The following MYO3A variants were observed in gnomAD, a reference collection of about 807,000 sequenced individuals.
MYO3A encodes myosin IIIA.
MYO3A carries 180 observed loss-of-function variants against 192.7 expected under a neutral mutation model. The ratio of observed to expected loss-of-function variants is 0.93; its 90% confidence interval spans 0.83 to 1.06. The LOEUF is 1.06. Ranked by LOEUF, MYO3A falls within the 50% of genes least tolerant of loss-of-function variation. The pLI is 0.00. For missense variants in MYO3A, 1,896 were observed against 1,905.0 expected (o/e 1.00, Z 0.09); for synonymous variants, 628 against 645.3 (o/e 0.97, Z 0.41).
At chr10:26,155,680 A>T (rs1431855843) in intron 25 of MYO3A, among the ~76,000 whole-genome samples, 1 of 152,360 alleles carries the variant, frequency 6.6e-6, no homozygotes, top group South Asian at 2.1e-4. Context: ...CTCATAGAAG[A>T]CAGTGTGTAC....
At chr10:26,211,272 G>T (rs553672741) in intron 34 of MYO3A, among the ~76,000 whole-genome samples, 7 of 152,168 alleles carry the variant, frequency 4.6e-5, no homozygotes, top group Admixed American at 1.3e-4. Context: ...GTAAACATTG[G>T]CAGGGGTTCT....
chr10:26,053,679 G>A lies in MYO3A; in HGVS notation c.954-13296G>A, dbSNP rs536571021. On this transcript the variant is annotated intron_variant, in intron 10 of 34. Coordinates refer to ENST00000642920, the MANE Select transcript of MYO3A (RefSeq NM_017433.5). ...TCTCTACTAAAAACACAAAAAATTA[G>A]CCAAGTGTGGTGGTGTGTGCCTGTA... Among the ~76,000 whole-genome samples the A allele has an allele frequency of 2.8e-4, 43 of 152,174 alleles. No individual in the cohort carries two copies. In the South Asian group the frequency reaches 6.4e-3, roughly 23 times the overall value.
chr10:25,979,051 T>TA (rs1029420334), intron 4 of MYO3A, among the ~76,000 whole-genome samples: 4 of 152,174 alleles, frequency 2.6e-5, no homozygotes, highest in African/African-American at 9.7e-5. Context: ...TTGGAGTTCT[T>TA]AGAGAATTGG....
At chr10:26,173,627 AG>A (rs1464472296) in intron 29 of MYO3A, 35 bp from the exon 30 acceptor site, 1 of 1,577,460 alleles carries the variant, frequency 6.3e-7, no homozygotes. Flanking sequence ...GCTCCAGTTT[AG>A]TACTGTATAT....
At position 26,212,266 on chromosome 10, in the gene MYO3A, T is replaced by C; in HGVS notation, c.*303T>C. ...CTTGTTCCCCTAATCTATCACTTTGTTCTTTTTTTTTGTGACTCCTGTGGA... is the reference window on the plus strand; with the variant it reads ...CTTGTTCCCCTAATCTATCACTTTGCTCTTTTTTTTTGTGACTCCTGTGGA... On this transcript the variant is annotated 3_prime_UTR_variant, in exon 35 of 35. Coordinates refer to ENST00000642920, the MANE Select transcript of MYO3A (RefSeq NM_017433.5). 1 of 448,060 alleles carries C rather than the reference T, an allele frequency of 2.2e-6. No individual in the cohort carries two copies. 27.8% of individuals were successfully genotyped at this position (448,060 alleles called of 1,614,324 possible).
At chr10:26,056,223 G>A (rs763828141) in intron 10 of MYO3A, among the ~76,000 whole-genome samples, 1 of 152,158 alleles carries the variant, frequency 6.6e-6, no homozygotes, top group Non-Finnish European at 1.5e-5. Flanking sequence ...GGGCTCATTA[G>A]TAGACTGGAC....
intron 4 of MYO3A, among the ~76,000 whole-genome samples, chr10:25,967,498 T>C (rs1838337145): frequency 6.6e-6 from 1 of 152,234 alleles, no homozygotes; most frequent in Non-Finnish European, 1.5e-5. Context: ...TCAACATTTA[T>C]TATTAGAAGA....
chr10:26,173,167 T>C (rs1437800297), intron 29 of MYO3A, among the ~76,000 whole-genome samples: 1 of 152,188 alleles, frequency 6.6e-6, no homozygotes, highest in African/African-American at 2.4e-5. Flanking sequence ...TATTACATGA[T>C]CATGAACTGT....
chr10:26,187,447 A>G (rs1452004472), intron 31 of MYO3A, among the ~76,000 whole-genome samples: 3 of 152,146 alleles, frequency 2.0e-5, no homozygotes, highest in East Asian at 3.9e-4. Flanking sequence ...CCTTGCCTTT[A>G]GATGGTCATC....
chr10:26,077,796 C>T (rs1180973419), intron 14 of MYO3A, among the ~76,000 whole-genome samples: 1 of 152,032 alleles, frequency 6.6e-6, no homozygotes, highest in African/African-American at 2.4e-5. Flanking sequence ...TGGTGTATCA[C>T]ATTTATTGAC....
At chr10:26,127,224 C>T (rs1484473765) in intron 19 of MYO3A, among the ~76,000 whole-genome samples, 3 of 152,050 alleles carry the variant, frequency 2.0e-5, no homozygotes, top group Admixed American at 6.6e-5. Flanking sequence ...GATTCCATTC[C>T]TCTTGAAAGC....
chr10:26,102,805 G>T (rs535463129), intron 17 of MYO3A, among the ~76,000 whole-genome samples: 145 of 152,206 alleles, frequency 9.5e-4, no homozygotes, highest in Non-Finnish European at 1.7e-3. Context: ...GTGTCAGTCG[G>T]CCCCTACTGG....
intron 17 of MYO3A, among the ~76,000 whole-genome samples, chr10:26,098,317 T>C (rs1837191758): frequency 6.6e-6 from 1 of 152,236 alleles, no homozygotes; most frequent in South Asian, 2.1e-4. Flanking sequence ...TATAAGCCCT[T>C]TGTCAGATGG....
At chr10:26,010,912 C>T (rs902854025) in intron 6 of MYO3A, among the ~76,000 whole-genome samples, 3 of 152,110 alleles carry the variant, frequency 2.0e-5, no homozygotes, top group African/African-American at 7.2e-5. Context: ...TAGAGATTTA[C>T]AATGGTTTTG....
At chr10:26,104,128 A>T (rs1252030764) in intron 17 of MYO3A, among the ~76,000 whole-genome samples, 2 of 145,782 alleles carry the variant, frequency 1.4e-5, no homozygotes, top group East Asian at 2.0e-4. Context: ...AAAAAAAAAA[A>T]TTATAGTATT....
intron 31 of MYO3A, among the ~76,000 whole-genome samples, chr10:26,178,790 GTTTATTTATTTA>G (rs530044620): frequency 6.6e-6 from 1 of 151,576 alleles, no homozygotes; most frequent in Non-Finnish European, 1.5e-5. Context: ...TGCTTTAAAT[GTTTATTTATTTA>G]TTTATTTATT....
chr10:26,067,075 G>T lies in MYO3A; in HGVS notation c.1053+1G>T. The T allele has an allele frequency of 1.9e-6, 3 of 1,584,050 alleles. No homozygotes were observed. Among genetic ancestry groups the T allele is most frequent in the Non-Finnish European group, 2.6e-6 (3 of 1,152,788 alleles). On this transcript the variant is annotated splice_donor_variant, in intron 11 of 34. Coordinates refer to ENST00000642920, the MANE Select transcript of MYO3A (RefSeq NM_017433.5). LOFTEE classifies it high-confidence loss of function. ...AGCAACCCTAGAAATTTTGGATGAG[G>T]TAAGAATTTCAGTTTAATTAAACTT...
At chr10:26,015,241 A>G (rs924965921) in intron 6 of MYO3A, among the ~76,000 whole-genome samples, 8 of 151,794 alleles carry the variant, frequency 5.3e-5, no homozygotes, top group African/African-American at 1.9e-4. Context: ...TCCTTTCTGT[A>G]TCTTCTCATT....
intron 14 of MYO3A, among the ~76,000 whole-genome samples, chr10:26,074,462 T>C (rs1308713263): frequency 6.6e-6 from 1 of 151,740 alleles, no homozygotes; most frequent in Non-Finnish European, 1.5e-5. Context: ...AATATCCTCA[T>C]GCAGTTTGGT....
Sources: allele counts gnomAD v4.1 joint callset (sites outside exome capture counted in the v4.1 genomes callset), GRCh38; gene constraint gnomAD v4.1.1; transcripts MANE v1.5; gene names NCBI Gene and HGNC (gene_info 2026-07-23, HGNC 2026-07-21).